FSTL5: variants seen among roughly 807,000 people sequenced by gnomAD.
FSTL5 encodes the protein follistatin-related protein 5.
Under a neutral mutation model 89.1 loss-of-function variants are expected in FSTL5, and 62 were observed. That is an observed-to-expected ratio of 0.70 (90% CI 0.57 to 0.86). The LOEUF (loss-of-function observed/expected upper bound fraction) is 0.86. FSTL5 is among the 40% of genes least tolerant of loss of function. FSTL5 has a pLI of 0.00. For missense variants in FSTL5, 1,057 were observed against 1,001.6 expected (o/e 1.06, Z -0.75); for synonymous variants, 383 against 346.2 (o/e 1.11, Z -1.18).
intron 2 of FSTL5, among the ~76,000 whole-genome samples, chr4:162,086,761 C>T (rs528951222): frequency 1.6e-4 from 25 of 152,008 alleles, no homozygotes; most frequent in African/African-American, 5.5e-4. Flanking sequence ...AGATACTCAA[C>T]AAACTTCTAT....
At chr4:161,611,226 GTATACATATA>G (rs1734632294) in intron 7 of FSTL5, among the ~76,000 whole-genome samples, 2 of 92,068 alleles carry the variant, frequency 2.2e-5, no homozygotes, top group African/African-American at 8.7e-5. Flanking sequence ...GTGTGTATGT[GTATACATATA>G]TATATATATA....
At chr4:162,090,332 C>T (rs1295223425) in intron 2 of FSTL5, among the ~76,000 whole-genome samples, 1 of 152,062 alleles carries the variant, frequency 6.6e-6, no homozygotes, top group African/African-American at 2.4e-5. Flanking sequence ...GAGGAAACTT[C>T]TGCAAACTAT....
At chr4:161,606,240 A>ATT (rs71598720) in intron 7 of FSTL5, among the ~76,000 whole-genome samples, 13,618 of 117,436 alleles carry the variant, frequency 0.12, 1,169 homozygotes, top group Middle Eastern at 0.15. Flanking sequence ...ATTATCTGTG[A>ATT]TTTTTTTTTT....
At chr4:162,036,915 C>A (rs768221959) in intron 2 of FSTL5, among the ~76,000 whole-genome samples, 50 of 151,692 alleles carry the variant, frequency 3.3e-4, no homozygotes, top group Non-Finnish European at 6.2e-4. Flanking sequence ...GAAATTTGTA[C>A]AAAGTGGGAA....
chr4:161,790,448 T>G (rs1475703377), intron 4 of FSTL5, among the ~76,000 whole-genome samples: 1 of 152,198 alleles, frequency 6.6e-6, no homozygotes, highest in Non-Finnish European at 1.5e-5. Context: ...GCAGCCCCAC[T>G]TACGTGCTGC....
intron 7 of FSTL5, among the ~76,000 whole-genome samples, chr4:161,634,018 G>A (rs1227790074): frequency 1.3e-5 from 2 of 152,126 alleles, no homozygotes; most frequent in African/African-American, 4.8e-5. Context: ...ATCTTTGTTG[G>A]ACAACGTATA....
chr4:161,681,627 T>C (rs2126709037), intron 6 of FSTL5, among the ~76,000 whole-genome samples: 1 of 152,196 alleles, frequency 6.6e-6, no homozygotes, highest in East Asian at 1.9e-4. Flanking sequence ...TAACATATTG[T>C]AAGGAATATA....
At chr4:162,103,961 T>A (rs1403921967) in intron 2 of FSTL5, among the ~76,000 whole-genome samples, 1 of 152,184 alleles carries the variant, frequency 6.6e-6, no homozygotes, top group African/African-American at 2.4e-5. Context: ...GCAACCCCCT[T>A]TGGGTCCCCT....
rs148125072 is a variant in FSTL5 at position 162,051,633 on chromosome 4, T to A, written c.127-17975A>T. On this transcript the variant is annotated intron_variant, in intron 2 of 15. Coordinates refer to ENST00000306100, the MANE Select transcript of FSTL5 (RefSeq NM_020116.5). ...AAAACAATTGGAGAAATTATACATA[T>A]AATTTTATCAGATATCATTCAGTAA... Among the ~76,000 whole-genome samples the A allele has an allele frequency of 2.5e-3, 379 of 151,660 alleles. 1 individual carries two copies. Among genetic ancestry groups the A allele is most frequent in the African/African-American group, 8.5e-3 (353 of 41,524 alleles).
intron 1 of FSTL5, among the ~76,000 whole-genome samples, chr4:162,136,525 A>G (rs886693552): frequency 6.6e-6 from 1 of 151,998 alleles, no homozygotes; most frequent in African/African-American, 2.4e-5. Flanking sequence ...TTGGTTGGAG[A>G]ATTAACCAAG....
intron 6 of FSTL5, among the ~76,000 whole-genome samples, chr4:161,687,391 C>T (rs1401271176): frequency 6.6e-6 from 1 of 151,950 alleles, no homozygotes; most frequent in African/African-American, 2.4e-5. Context: ...ATTTTTATTA[C>T]CCTTATGCAT....
intron 8 of FSTL5, among the ~76,000 whole-genome samples, chr4:161,565,589 G>A (rs1039291678): frequency 6.6e-6 from 1 of 151,720 alleles, no homozygotes; most frequent in Non-Finnish European, 1.5e-5. Flanking sequence ...ATATGCAAAA[G>A]CTTGCTGTTT....
At chr4:161,844,538 C>G (rs1038568738) in intron 4 of FSTL5, among the ~76,000 whole-genome samples, 2 of 152,086 alleles carry the variant, frequency 1.3e-5, no homozygotes, top group African/African-American at 4.8e-5. Flanking sequence ...GGAACCAACC[C>G]AAATGCCAAT....
At chr4:161,600,355 G>T (rs1306445496) in intron 7 of FSTL5, among the ~76,000 whole-genome samples, 1 of 150,044 alleles carries the variant, frequency 6.7e-6, no homozygotes, top group Non-Finnish European at 1.5e-5. Flanking sequence ...AAGAAGGAGA[G>T]TGTAATGAAG....
intron 3 of FSTL5, among the ~76,000 whole-genome samples, chr4:161,935,587 T>C (rs1734410083): frequency 1.3e-5 from 2 of 152,250 alleles, no homozygotes; most frequent in South Asian, 4.1e-4. Context: ...TTGGACATCT[T>C]GGCAGGACTG....
intron 8 of FSTL5, among the ~76,000 whole-genome samples, chr4:161,564,664 C>G (rs1376234321): frequency 6.6e-6 from 1 of 151,354 alleles, no homozygotes; most frequent in East Asian, 1.9e-4. Context: ...ATGATAATTA[C>G]TGTTAAATGC....
chr4:161,475,488 A>G (rs924644372), intron 13 of FSTL5, among the ~76,000 whole-genome samples: 1 of 152,064 alleles, frequency 6.6e-6, no homozygotes, highest in African/African-American at 2.4e-5. Context: ...CAATTGTCCT[A>G]TCTTCAAGTT....
chr4:161,691,022 T>G (rs1737923524), intron 6 of FSTL5, among the ~76,000 whole-genome samples: 1 of 152,178 alleles, frequency 6.6e-6, no homozygotes. Flanking sequence ...GTGGTGTTTA[T>G]GTACCACATT....
At chr4:161,949,021 T>C (rs1162240388) in intron 3 of FSTL5, among the ~76,000 whole-genome samples, 3 of 152,092 alleles carry the variant, frequency 2.0e-5, no homozygotes, top group African/African-American at 7.2e-5. Context: ...AATGGTCTCA[T>C]TAGATTGAAA....
Sources: allele counts gnomAD v4.1 joint callset (sites outside exome capture counted in the v4.1 genomes callset), GRCh38; gene constraint gnomAD v4.1.1; transcripts MANE v1.5; gene names NCBI Gene and HGNC (gene_info 2026-07-23, HGNC 2026-07-21).